SORL1: variants seen among roughly 807,000 people sequenced by gnomAD.
SORL1 encodes the protein sortilin related receptor 1.
Under a neutral mutation model 273.7 loss-of-function variants are expected in SORL1, and 127 were observed. The observed-to-expected ratio is 0.46, with a 90% CI of 0.40 to 0.54. The LOEUF is 0.54. Ranked by LOEUF, SORL1 falls within the 20% of genes least tolerant of loss-of-function variation. The pLI is 0.00. For synonymous variants in SORL1, 1,031 were observed against 1,067.4 expected (o/e 0.97, Z 0.66); for missense variants, 2,494 against 2,846.1 (o/e 0.88, Z 2.81).
chr11:121,567,915 G>A (rs1862777139), intron 22 of SORL1, among the ~76,000 whole-genome samples: 1 of 149,864 alleles, frequency 6.7e-6, no homozygotes, highest in African/African-American at 2.5e-5. Flanking sequence ...ATTTTAAAGA[G>A]ACAAGAAAGA....
chr11:121,458,644 C>T (rs1027242560), intron 1 of SORL1, among the ~76,000 whole-genome samples: 2 of 152,176 alleles, frequency 1.3e-5, no homozygotes, highest in Non-Finnish European at 2.9e-5. Context: ...CAATTTCCCT[C>T]AATTTAAAAT....
Position 121,588,456 on chromosome 11 carries a change from G to T in SORL1, c.3946+305G>T, listed in dbSNP as rs188171731. Among the ~76,000 whole-genome samples, 226 of 152,286 alleles carry T rather than the reference G, an allele frequency of 1.5e-3. 3 individuals carry two copies. The highest frequency in any genetic ancestry group is 5.2e-3 in the African/African-American group (218 of 41,556). On this transcript the variant is annotated intron_variant, in intron 28 of 47. Coordinates refer to ENST00000260197, the MANE Select transcript of SORL1 (RefSeq NM_003105.6). ...TTGGCTCAAGGGTCGCTGAAAGTGA[G>T]AGGCCTTTCTTGCCAGTACTGTATC...
chr11:121,473,885 A>T (rs1433534151), intron 2 of SORL1, among the ~76,000 whole-genome samples: 3 of 151,566 alleles, frequency 2.0e-5, no homozygotes, highest in Non-Finnish European at 4.4e-5. Context: ...ACAGAGTGAG[A>T]CCCTGTCTCA....
At chr11:121,577,052 A>G (rs1425962069) in intron 24 of SORL1, 1 of 1,163,068 alleles carries the variant, frequency 8.6e-7, no homozygotes, top group East Asian at 2.6e-5. Flanking sequence ...AGCAGCTCTA[A>G]GGGTCTGAGG....
chr11:121,457,474 A>G (rs75410275), intron 1 of SORL1, among the ~76,000 whole-genome samples: 16 of 152,324 alleles, frequency 1.1e-4, no homozygotes, highest in African/African-American at 3.8e-4. Flanking sequence ...TAAAATTGGA[A>G]ACTTGAATTA....
intron 1 of SORL1, among the ~76,000 whole-genome samples, chr11:121,461,915 C>T (rs76108590): frequency 6.6e-6 from 1 of 152,068 alleles, no homozygotes; most frequent in East Asian, 1.9e-4. Context: ...TTTAGTGCGT[C>T]GAAGTTTATG....
intron 6 of SORL1, among the ~76,000 whole-genome samples, chr11:121,503,760 A>G (rs1861747779): frequency 6.6e-6 from 1 of 152,214 alleles, no homozygotes; most frequent in Non-Finnish European, 1.5e-5. Context: ...CCCCTATGCC[A>G]GCATCACACT....
rs185208807 is a variant in SORL1, at chr11:121,494,482, A to G, written c.759-2387A>G. Among the ~76,000 whole-genome samples, 103 of 152,342 alleles carry G rather than the reference A, an allele frequency of 6.8e-4. 1 individual carries two copies. Among genetic ancestry groups the G allele is most frequent in the African/African-American group, 2.4e-3 (101 of 41,590 alleles). On this transcript the variant is annotated intron_variant, in intron 5 of 47. Coordinates refer to ENST00000260197, the MANE Select transcript of SORL1 (RefSeq NM_003105.6). ...ACCTGGAGGGGGCTGAGGGGACTCA[A>G]AGATACCCTGTGGAGCATCATTGAG...
At chr11:121,551,285 C>T (rs770930458) in intron 16 of SORL1, among the ~76,000 whole-genome samples, 7 of 152,204 alleles carry the variant, frequency 4.6e-5, no homozygotes, top group Non-Finnish European at 5.9e-5. Context: ...GCCCCATGCT[C>T]TTCATTGGAC....
At chr11:121,576,961 T>C in intron 24 of SORL1, 2 of 1,517,870 alleles carry the variant, frequency 1.3e-6, no homozygotes, top group Non-Finnish European at 1.8e-6. Context: ...CCTAACCTTC[T>C]TCCCATCATA....
intron 31 of SORL1, among the ~76,000 whole-genome samples, chr11:121,593,413 T>C (rs765751207): frequency 2.0e-5 from 3 of 152,252 alleles, no homozygotes; most frequent in Non-Finnish European, 4.4e-5. Flanking sequence ...CAGGTCAACA[T>C]GTCCAGGGAT....
At chr11:121,494,545 C>T (rs1433432273) in intron 5 of SORL1, among the ~76,000 whole-genome samples, 1 of 152,092 alleles carries the variant, frequency 6.6e-6, no homozygotes, top group Non-Finnish European at 1.5e-5. Flanking sequence ...GGTGACTGCT[C>T]AGAGATAGAG....
At chr11:121,598,931 G>A (rs1240755304) in intron 32 of SORL1, among the ~76,000 whole-genome samples, 2 of 152,074 alleles carry the variant, frequency 1.3e-5, no homozygotes, top group African/African-American at 4.8e-5. Flanking sequence ...TCAAGGAATT[G>A]GATAAGTTGC....
intron 1 of SORL1, among the ~76,000 whole-genome samples, chr11:121,466,241 G>A (rs1046079302): frequency 1.3e-5 from 2 of 152,110 alleles, no homozygotes; most frequent in Non-Finnish European, 2.9e-5. Context: ...CTGATTGCAC[G>A]TCAAGGTTAT....
chr11:121,589,208 C>A lies in SORL1; in HGVS notation c.3947-51C>A, dbSNP rs748724680. On this transcript the variant is annotated intron_variant, in intron 28 of 47. Coordinates refer to ENST00000260197, the MANE Select transcript of SORL1 (RefSeq NM_003105.6). Reference sequence around the variant, plus strand: ...CTTCTGGGCACCACTGCTGCTTCGACCCCTCAGCATGGAAGTTCCTGGACT... The same window carrying A: ...CTTCTGGGCACCACTGCTGCTTCGAACCCTCAGCATGGAAGTTCCTGGACT... 3.3e-5 allele frequency: 53 copies of A among 1,605,334 alleles called. No homozygotes were observed. The South Asian group carries it at 5.5e-4, about 17-fold the overall frequency.
chr11:121,568,517 A>G (rs1465024954), intron 22 of SORL1, among the ~76,000 whole-genome samples: 2 of 152,136 alleles, frequency 1.3e-5, no homozygotes, highest in African/African-American at 4.8e-5. Context: ...TTTTTTCTGT[A>G]AGGAATTTTA....
At chr11:121,471,481 G>A (rs1289148696) in intron 2 of SORL1, among the ~76,000 whole-genome samples, 1 of 152,210 alleles carries the variant, frequency 6.6e-6, no homozygotes, top group Admixed American at 6.5e-5. Context: ...GAGAGGAGCA[G>A]CCCCTGCCTC....
chr11:121,577,001 G>A, intron 24 of SORL1: 1 of 1,423,958 alleles, frequency 7.0e-7, no homozygotes, highest in Non-Finnish European at 9.6e-7. Context: ...TATGTGGAGA[G>A]CACTGGGATG....
intron 1 of SORL1, among the ~76,000 whole-genome samples, chr11:121,456,544 G>C (rs1860908860): frequency 6.6e-6 from 1 of 152,212 alleles, no homozygotes; most frequent in Non-Finnish European, 1.5e-5. Context: ...GATGCAAGCG[G>C]CATGGCCTAC....
Sources: allele counts gnomAD v4.1 joint callset (sites outside exome capture counted in the v4.1 genomes callset), GRCh38; gene constraint gnomAD v4.1.1; transcripts MANE v1.5; gene names NCBI Gene and HGNC (gene_info 2026-07-23, HGNC 2026-07-21).